NOL4: variants seen among roughly 807,000 people sequenced by gnomAD.
The protein encoded by NOL4 is nucleolar protein 4, also known as cancer/testis antigen 125.
NOL4 carries 17 observed loss-of-function variants against 75.9 expected under a neutral mutation model. That is an observed-to-expected ratio of 0.22 (90% CI 0.15 to 0.34). The LOEUF (loss-of-function observed/expected upper bound fraction) is 0.34. Ranked by LOEUF, NOL4 falls within the 10% of genes least tolerant of loss-of-function variation. The pLI is 1.00. For synonymous variants in NOL4, 292 were observed against 289.9 expected (o/e 1.01, Z -0.07); for missense variants, 614 against 793.5 (o/e 0.77, Z 2.72).
chr18:33,990,445 T>C (rs1278134488), intron 6 of NOL4, among the ~76,000 whole-genome samples: 1 of 151,990 alleles, frequency 6.6e-6, no homozygotes, highest in Non-Finnish European at 1.5e-5. Flanking sequence ...AGAACATGCT[T>C]CCTGTTTCTC....
At position 33,987,281 on chromosome 18, in the gene NOL4, G is replaced by A. The variant is rs184629831; in HGVS notation, c.1057-28863C>T. On this transcript the variant is annotated intron_variant, in intron 6 of 10. Coordinates refer to ENST00000261592, the MANE Select transcript of NOL4 (RefSeq NM_003787.5). The stretch of plus-strand genomic sequence containing the variant: ...TGACCGTGATCATGATCGGAGCTTG[G>A]AAAGTACATCATACAGCAGTTGGAA... Among the ~76,000 whole-genome samples, 150 of 152,214 alleles carry A rather than the reference G, an allele frequency of 9.9e-4. No individual in the cohort carries two copies. The Middle Eastern group carries it at 0.01, about 10-fold the overall frequency.
intron 5 of NOL4, among the ~76,000 whole-genome samples, chr18:34,069,800 T>A (rs1395096498): frequency 6.6e-6 from 1 of 152,156 alleles, no homozygotes; most frequent in African/African-American, 2.4e-5. Flanking sequence ...CTAGCAACCA[T>A]TTCACAAAAT....
At chr18:34,065,608 C>T (rs555252999) in intron 5 of NOL4, among the ~76,000 whole-genome samples, 11 of 151,850 alleles carry the variant, frequency 7.2e-5, no homozygotes, top group African/African-American at 2.2e-4. Context: ...CCACCCCACA[C>T]AAAACATTTT....
At chr18:33,881,610 G>A (rs1381299625) in intron 10 of NOL4, among the ~76,000 whole-genome samples, 2 of 151,698 alleles carry the variant, frequency 1.3e-5, no homozygotes, top group African/African-American at 2.4e-5. Flanking sequence ...AATCAATATC[G>A]TGAAAATGGC....
chr18:34,214,707 G>T (rs1264570483), intron 1 of NOL4, among the ~76,000 whole-genome samples: 1 of 152,030 alleles, frequency 6.6e-6, no homozygotes, highest in Non-Finnish European at 1.5e-5. Flanking sequence ...GGAGATATCT[G>T]CCCACTCGTG....
intron 5 of NOL4, among the ~76,000 whole-genome samples, chr18:34,051,914 A>C (rs1426501894): frequency 6.6e-6 from 1 of 152,048 alleles, no homozygotes; most frequent in Non-Finnish European, 1.5e-5. Context: ...TAATTTTAAA[A>C]AGATACATTT....
intron 1 of NOL4, among the ~76,000 whole-genome samples, chr18:34,201,664 T>A (rs144460326): frequency 6.6e-6 from 1 of 151,860 alleles, no homozygotes; most frequent in Non-Finnish European, 1.5e-5. Flanking sequence ...GAACAAATAT[T>A]AGGCCACATT....
chr18:34,115,002 G>C (rs1056907805), intron 2 of NOL4, among the ~76,000 whole-genome samples: 1 of 152,104 alleles, frequency 6.6e-6, no homozygotes, highest in African/African-American at 2.4e-5. Context: ...ACCTTGAATT[G>C]AGAGAGAAGG....
At chr18:34,193,651 T>C (rs2035086040) in intron 1 of NOL4, among the ~76,000 whole-genome samples, 1 of 152,140 alleles carries the variant, frequency 6.6e-6, no homozygotes, top group South Asian at 2.1e-4. Context: ...TGTAAATTCA[T>C]ACAGCTATTA....
At chr18:34,010,528 A>G (rs568036529) in intron 6 of NOL4, among the ~76,000 whole-genome samples, 33 of 152,064 alleles carry the variant, frequency 2.2e-4, no homozygotes, top group Non-Finnish European at 3.1e-4. Flanking sequence ...TACAATTTAT[A>G]AAAATACGAT....
At chr18:34,116,506 A>C (rs1254400307) in intron 2 of NOL4, among the ~76,000 whole-genome samples, 1 of 152,216 alleles carries the variant, frequency 6.6e-6, no homozygotes, top group Non-Finnish European at 1.5e-5. Flanking sequence ...TTATCCAAAA[A>C]TCTGAAATTT....
intron 1 of NOL4, among the ~76,000 whole-genome samples, chr18:34,141,427 C>A (rs2081155430): frequency 6.6e-6 from 1 of 152,174 alleles, no homozygotes; most frequent in South Asian, 2.1e-4. Context: ...TACCTGACTT[C>A]AAACTATACT....
intron 5 of NOL4, among the ~76,000 whole-genome samples, chr18:34,063,644 T>C (rs954153162): frequency 2.0e-5 from 3 of 152,058 alleles, no homozygotes; most frequent in South Asian, 2.1e-4. Flanking sequence ...TAAGTGAACA[T>C]AACCAACCCT....
intron 6 of NOL4, among the ~76,000 whole-genome samples, chr18:33,998,043 T>C (rs914550198): frequency 1.3e-5 from 2 of 151,976 alleles, no homozygotes; most frequent in African/African-American, 4.8e-5. Flanking sequence ...ACATCATATA[T>C]GATTCCCTAT....
intron 5 of NOL4, among the ~76,000 whole-genome samples, chr18:34,046,616 A>ATATATATATATATATATATATATATG (rs1568268764): frequency 7.7e-5 from 9 of 116,368 alleles, no homozygotes; most frequent in Non-Finnish European, 1.6e-4. Flanking sequence ...ACATATATAT[A>ATATATATATATATATATATATATATG]TATATATATA....
intron 9 of NOL4, among the ~76,000 whole-genome samples, chr18:33,927,729 A>G (rs1318756223): frequency 2.0e-5 from 3 of 152,218 alleles, no homozygotes; most frequent in Non-Finnish European, 2.9e-5. Context: ...AGTAAAAAAA[A>G]GTAAAATAAA....
Position 34,165,562 on chromosome 18 carries a change from T to C in NOL4, c.265-35542A>G, listed in dbSNP as rs142991819. Among the ~76,000 whole-genome samples, 56 of 152,302 alleles carry C rather than the reference T, an allele frequency of 3.7e-4. No individual in the cohort carries two copies. The East Asian group carries it at 0.01, about 28-fold the overall frequency. On this transcript the variant is annotated intron_variant, in intron 1 of 10. Transcript: ENST00000261592. ...CTGCTTTATTTCTGTCAATGCACAATATATAGTAGGACATTAAATTACAGA... is the reference window on the plus strand; with the variant it reads ...CTGCTTTATTTCTGTCAATGCACAACATATAGTAGGACATTAAATTACAGA...
intron 9 of NOL4, among the ~76,000 whole-genome samples, chr18:33,896,461 C>T (rs146153868): frequency 2.2e-3 from 329 of 152,076 alleles, no homozygotes; most frequent in Middle Eastern, 0.01. Flanking sequence ...AAATAGAGGG[C>T]CCCAAAATAA....
intron 5 of NOL4, among the ~76,000 whole-genome samples, chr18:34,036,914 A>G (rs1177848207): frequency 1.3e-5 from 2 of 152,210 alleles, no homozygotes; most frequent in African/African-American, 4.8e-5. Context: ...CCTGGGCAAT[A>G]GAGTGAGACT....
Sources: gnomAD v4.1 joint callset for allele counts (sites outside exome capture counted in the v4.1 genomes callset) on GRCh38, gnomAD v4.1.1 for gene constraint, MANE v1.5 for transcripts, NCBI Gene and HGNC (gene_info 2026-07-23, HGNC 2026-07-21) for gene names.